The following HMGA2 variants were observed in gnomAD, a reference collection of about 807,000 sequenced individuals.
HMGA2 encodes high mobility group AT-hook 2.
In HMGA2, 8 loss-of-function variants were observed where a neutral mutation model predicts 19.1. That is an observed-to-expected ratio of 0.42 (90% CI 0.25 to 0.76). The LOEUF is 0.76. HMGA2 is among the 30% of genes least tolerant of loss of function. The pLI, the probability that HMGA2 is intolerant of heterozygous loss-of-function variation, is 0.28. For synonymous variants in HMGA2, 60 were observed against 48.8 expected (o/e 1.23, Z -0.96); for missense variants, 109 against 136.3 (o/e 0.80, Z 1.00).
At chr12:65,885,072 A>T (rs925284681) in intron 3 of HMGA2, among the ~76,000 whole-genome samples, 1 of 152,170 alleles carries the variant, frequency 6.6e-6, no homozygotes, top group African/African-American at 2.4e-5. Flanking sequence ...AGAAATTTTC[A>T]TTCTTGTACT....
intron 3 of HMGA2, among the ~76,000 whole-genome samples, chr12:65,938,326 T>G (rs1455829480): frequency 6.6e-6 from 1 of 152,194 alleles, no homozygotes; most frequent in African/African-American, 2.4e-5. Flanking sequence ...TCCTTATTAT[T>G]AAATCAGTTT....
intron 3 of HMGA2, among the ~76,000 whole-genome samples, chr12:65,924,593 A>T (rs1275852657): frequency 6.6e-6 from 1 of 152,092 alleles, no homozygotes; most frequent in Non-Finnish European, 1.5e-5. Context: ...AGGTCAAGAG[A>T]TCGAGACCAT....
intron 3 of HMGA2, among the ~76,000 whole-genome samples, chr12:65,917,671 G>T (rs1043846811): frequency 6.6e-6 from 1 of 152,166 alleles, no homozygotes; most frequent in African/African-American, 2.4e-5. Flanking sequence ...AGAGACAGAA[G>T]GGGGAAGGAA....
At chr12:65,865,385 A>G (rs1349988578) in intron 3 of HMGA2, among the ~76,000 whole-genome samples, 1 of 152,150 alleles carries the variant, frequency 6.6e-6, no homozygotes, top group Non-Finnish European at 1.5e-5. Context: ...AACTTTTTAT[A>G]CTATACTTTT....
intron 3 of HMGA2, among the ~76,000 whole-genome samples, chr12:65,929,830 G>T (rs762491053): frequency 6.6e-5 from 10 of 152,048 alleles, no homozygotes; most frequent in Non-Finnish European, 1.2e-4. Context: ...TGGATAAACT[G>T]GTTGTTTGCC....
intron 3 of HMGA2, among the ~76,000 whole-genome samples, chr12:65,910,005 G>A (rs1274776401): frequency 2.0e-5 from 3 of 152,138 alleles, no homozygotes; most frequent in African/African-American, 7.2e-5. Flanking sequence ...AGTAAAAAGG[G>A]CAAATAAAGC....
intron 4 of HMGA2, chr12:65,953,732 T>C (rs554450354): frequency 1.0e-3 from 159 of 152,250 alleles, no homozygotes; most frequent in African/African-American, 3.6e-3. Flanking sequence ...AAAAAGAACA[T>C]GAGCTCATTG....
intron 3 of HMGA2, chr12:65,948,339 G>C (rs1423515521): frequency 2.0e-5 from 3 of 152,176 alleles, no homozygotes; most frequent in Non-Finnish European, 4.4e-5. Context: ...GGCCAGTCGT[G>C]TTTTTAATGC....
At chr12:65,848,769 T>G (rs1871332938) in intron 3 of HMGA2, among the ~76,000 whole-genome samples, 1 of 151,690 alleles carries the variant, frequency 6.6e-6, no homozygotes, top group Non-Finnish European at 1.5e-5. Flanking sequence ...GGCAGGAGAA[T>G]GGCGTGAACC....
intron 3 of HMGA2, among the ~76,000 whole-genome samples, chr12:65,907,648 G>T (rs1033964735): frequency 1.3e-5 from 2 of 152,044 alleles, no homozygotes; most frequent in Non-Finnish European, 2.9e-5. Flanking sequence ...CGAAAGATAG[G>T]GTGGCCACTT....
chr12:65,946,564 A>G (rs1241402613), intron 3 of HMGA2, among the ~76,000 whole-genome samples: 2 of 152,162 alleles, frequency 1.3e-5, no homozygotes, highest in Non-Finnish European at 2.9e-5. Context: ...TTAGATTAGT[A>G]CTAAAATGAA....
Position 65,965,537 on chromosome 12 carries a change from C to A in HMGA2, c.*2245C>A, listed in dbSNP as rs1333732755. ...AGGCCACATACCTCTCTGAGACTGG[C>A]AGATCGCTCACTGTTGTGAATCACC... On this transcript the variant is annotated 3_prime_UTR_variant, in exon 5 of 5. Coordinates refer to ENST00000403681, the MANE Select transcript of HMGA2 (RefSeq NM_003483.6). The A allele has an allele frequency of 4.8e-6, 1 of 210,270 alleles. No individual in the cohort carries two copies. Among genetic ancestry groups the A allele is most frequent in the East Asian group, 7.2e-5 (1 of 13,930 alleles). The allele number at this position is 210,270 out of a possible 1,614,324, so 13.0% of individuals were successfully genotyped here.
chr12:65,891,490 C>T (rs970498441), intron 3 of HMGA2, among the ~76,000 whole-genome samples: 4 of 152,264 alleles, frequency 2.6e-5, no homozygotes, highest in African/African-American at 2.4e-5. Context: ...CTTGGGGGTG[C>T]GTTCTGTGGT....
intron 3 of HMGA2, among the ~76,000 whole-genome samples, chr12:65,897,309 CTG>C (rs1301473192): frequency 1.3e-5 from 2 of 152,146 alleles, no homozygotes; most frequent in Admixed American, 1.3e-4. Context: ...TGGCATAACA[CTG>C]TTTTTTTGAT....
chr12:65,838,596 C>T, intron 3 of HMGA2, 27 bp downstream of exon 3: 1 of 1,549,394 alleles, frequency 6.5e-7, no homozygotes, highest in Non-Finnish European at 8.8e-7. Context: ...AATTTTTCTT[C>T]TTTTTTTTAA....
At chr12:65,898,502 CT>C (rs112914957) in intron 3 of HMGA2, among the ~76,000 whole-genome samples, 3 of 151,420 alleles carry the variant, frequency 2.0e-5, no homozygotes, top group South Asian at 2.1e-4. Flanking sequence ...AACGAGGCAT[CT>C]TTTTTTTTCC....
At chr12:65,834,084 A>T (rs1190116095) in intron 2 of HMGA2, among the ~76,000 whole-genome samples, 1 of 152,288 alleles carries the variant, frequency 6.6e-6, no homozygotes, top group South Asian at 2.1e-4. Flanking sequence ...GACATATCTG[A>T]TATTCAACTC....
chr12:65,828,131 G>GACT (rs1565699568), intron 2 of HMGA2, 44 bp downstream of exon 2: 2 of 1,386,426 alleles, frequency 1.4e-6, no homozygotes. Context: ...ATCAATGACT[G>GACT]ACTACAGGAG....
chr12:65,914,140 T>A (rs1874968669), intron 3 of HMGA2, among the ~76,000 whole-genome samples: 1 of 152,144 alleles, frequency 6.6e-6, no homozygotes, highest in African/African-American at 2.4e-5. Context: ...ATCCCATTAC[T>A]GGCTATATAC....
Sources: allele counts gnomAD v4.1 joint callset (sites outside exome capture counted in the v4.1 genomes callset), GRCh38; gene constraint gnomAD v4.1.1; transcripts MANE v1.5; gene names NCBI Gene and HGNC (gene_info 2026-07-23, HGNC 2026-07-21).